Variants in NINL observed in about 807,000 individuals in gnomAD.
The protein encoded by NINL is ninein like.
NINL carries 153 observed loss-of-function variants against 160.3 expected under a neutral mutation model. The observed-to-expected ratio is 0.95, with a 90% CI of 0.84 to 1.09. The LOEUF (loss-of-function observed/expected upper bound fraction) is 1.09. NINL is among the 50% of genes least tolerant of loss of function. The pLI is 0.00. For missense variants in NINL, 1,829 were observed against 1,764.0 expected, an observed-to-expected ratio of 1.04 and a Z score of -0.66; for synonymous variants, 800 against 734.8, an observed-to-expected ratio of 1.09 and a Z score of -1.43.
chr20:25,560,813 T>TG (rs2064924887), intron 1 of NINL, among the ~76,000 whole-genome samples: 1 of 151,852 alleles, frequency 6.6e-6, no homozygotes, highest in Non-Finnish European at 1.5e-5. Flanking sequence ...GAGAAGTAAA[T>TG]GACAGCCACA....
intron 5 of NINL, among the ~76,000 whole-genome samples, chr20:25,506,171 G>C (rs2063958543): frequency 6.6e-6 from 1 of 152,168 alleles, no homozygotes; most frequent in African/African-American, 2.4e-5. Context: ...CTGAGGCAGA[G>C]AACTGCATGG....
At chr20:25,472,903 C>A (rs2063139674) in intron 17 of NINL, among the ~76,000 whole-genome samples, 1 of 152,124 alleles carries the variant, frequency 6.6e-6, no homozygotes, top group African/African-American at 2.4e-5. Flanking sequence ...CATAATGCTC[C>A]AAAAGACAAA....
chr20:25,516,138 T>C (rs1317347374), intron 3 of NINL, among the ~76,000 whole-genome samples: 2 of 152,156 alleles, frequency 1.3e-5, no homozygotes, highest in Admixed American at 6.6e-5. Context: ...TGCTCTGCCA[T>C]GTGAAGACGT....
At chr20:25,501,984 A>C (rs941646094) in intron 7 of NINL, among the ~76,000 whole-genome samples, 4 of 151,832 alleles carry the variant, frequency 2.6e-5, no homozygotes, top group Admixed American at 6.6e-5. Context: ...ATTAAATTAA[A>C]TTTATTTATT....
intron 16 of NINL, among the ~76,000 whole-genome samples, chr20:25,478,702 A>G (rs916613806): frequency 6.6e-6 from 1 of 152,176 alleles, no homozygotes; most frequent in Non-Finnish European, 1.5e-5. Flanking sequence ...CTGTTTCTAC[A>G]CAGTGAACAG....
At chr20:25,501,767 G>C (rs1306701481) in intron 7 of NINL, among the ~76,000 whole-genome samples, 1 of 152,050 alleles carries the variant, frequency 6.6e-6, no homozygotes, top group Non-Finnish European at 1.5e-5. Flanking sequence ...CAAGTAGCTG[G>C]GACCATAGGC....
intron 1 of NINL, among the ~76,000 whole-genome samples, chr20:25,569,423 C>A (rs1265945719): frequency 6.6e-6 from 1 of 152,118 alleles, no homozygotes; most frequent in East Asian, 1.9e-4. Context: ...TACCTGGGAG[C>A]GTCTGTGATA....
chr20:25,498,164 T>G, intron 9 of NINL, 46 bp downstream of exon 9: 2 of 1,605,872 alleles, frequency 1.2e-6, no homozygotes, highest in South Asian at 2.2e-5. Flanking sequence ...CAGGCCCACC[T>G]GGCCAGCCAC....
At chr20:25,475,612 C>T (rs1568865786) in intron 17 of NINL, among the ~76,000 whole-genome samples, 1 of 152,008 alleles carries the variant, frequency 6.6e-6, no homozygotes, top group Admixed American at 6.6e-5. Flanking sequence ...TGGCTCACGC[C>T]TGTAATCCCA....
chr20:25,504,670 G>C (rs538395139), intron 6 of NINL, among the ~76,000 whole-genome samples: 18 of 152,356 alleles, frequency 1.2e-4, no homozygotes, highest in African/African-American at 3.6e-4. Flanking sequence ...AGCGTGGCAG[G>C]GAGTCGGTGA....
chr20:25,583,468 G>A (rs1156429627), intron 1 of NINL, among the ~76,000 whole-genome samples: 2 of 152,166 alleles, frequency 1.3e-5, no homozygotes, highest in Non-Finnish European at 2.9e-5. Flanking sequence ...AAAAAGCAAG[G>A]AAACAACAGA....
intron 17 of NINL, among the ~76,000 whole-genome samples, chr20:25,473,307 T>C (rs2063149964): frequency 1.3e-5 from 2 of 152,042 alleles, no homozygotes; most frequent in South Asian, 2.1e-4. Flanking sequence ...TATCACACTT[T>C]AATAAAAAGT....
Position 25,489,977 on chromosome 20 carries a change from A to G in NINL, c.1494T>C (p.Ser498=). 1 of 1,613,976 alleles carries G rather than the reference A, an allele frequency of 6.2e-7. No homozygotes were observed. The highest frequency in any genetic ancestry group is 8.5e-7 in the Non-Finnish European group (1 of 1,179,966). The part of the protein sequence containing the change: ...EKLTLALKEN[S]RLQKEIVEVV... ...CTTCCACAATCTCCTTCTGTAGGCG[A>G]CTGTTTTCCTAGGAGACACAGGCCA... Residue 498 remains serine (S), a synonymous_variant, in exon 12 of 24, where the codon AGT becomes AGC. Transcript: ENST00000278886.
At chr20:25,459,437 C>T (rs2090780006) in intron 21 of NINL, among the ~76,000 whole-genome samples, 1 of 152,198 alleles carries the variant, frequency 6.6e-6, no homozygotes, top group Non-Finnish European at 1.5e-5. Flanking sequence ...CTGCACCCCA[C>T]ATTTTCCAGG....
intron 1 of NINL, among the ~76,000 whole-genome samples, chr20:25,573,690 A>T (rs1201474073): frequency 6.6e-6 from 1 of 152,260 alleles, no homozygotes; most frequent in African/African-American, 2.4e-5. Context: ...TGCTATTGCA[A>T]CTACTTGAAG....
At position 25,545,869 on chromosome 20, in the gene NINL, G is replaced by A. The variant is rs984026550; in HGVS notation, c.-11-19271C>T. Among the ~76,000 whole-genome samples the A allele has an allele frequency of 5.3e-5, 8 of 152,320 alleles. No homozygotes were observed. In the East Asian group the frequency reaches 1.5e-3, roughly 29 times the overall value. ...TTCTTCCTGATCCAGGAGAGAATCAGCTCTGATAAGACACATTTACAATGG... is the reference window on the plus strand; with the variant it reads ...TTCTTCCTGATCCAGGAGAGAATCAACTCTGATAAGACACATTTACAATGG... On this transcript the variant is annotated intron_variant, in intron 1 of 23. Coordinates refer to ENST00000278886, the MANE Select transcript of NINL (RefSeq NM_025176.6).
At chr20:25,453,772 CG>C in intron 23 of NINL, 130 bp from the exon 24 acceptor site, 3 of 782,338 alleles carry the variant, frequency 3.8e-6, no homozygotes, top group Admixed American at 3.2e-5. Flanking sequence ...GACCCAAGGC[CG>C]GGGGCAGTGG....
At chr20:25,462,305 T>C (rs2062808746) in intron 20 of NINL, 78 bp downstream of exon 20, 1 of 1,414,056 alleles carries the variant, frequency 7.1e-7, no homozygotes, top group South Asian at 1.3e-5. Context: ...TCAGCGCGTG[T>C]CCTGACCTAT....
At chr20:25,574,249 T>C (rs529418453) in intron 1 of NINL, among the ~76,000 whole-genome samples, 17 of 152,124 alleles carry the variant, frequency 1.1e-4, no homozygotes, top group Non-Finnish European at 2.4e-4. Context: ...CACTTGACAA[T>C]GGAGAAAATG....
Sources: gnomAD v4.1 joint callset for allele counts (sites outside exome capture counted in the v4.1 genomes callset) on GRCh38, gnomAD v4.1.1 for gene constraint, MANE v1.5 for transcripts, NCBI Gene and HGNC (gene_info 2026-07-23, HGNC 2026-07-21) for gene names.